AGPAT3: variants seen among roughly 807,000 people sequenced by gnomAD.
AGPAT3 encodes the protein 1-acyl-sn-glycerol-3-phosphate acyltransferase gamma.
Under a neutral mutation model 47.3 loss-of-function variants are expected in AGPAT3, and 5 were observed. That is an observed-to-expected ratio of 0.11 (90% CI 0.06 to 0.22). AGPAT3 has a LOEUF of 0.22. AGPAT3 is among the 10% of genes least tolerant of loss of function. The pLI is 1.00. For missense variants in AGPAT3, 315 were observed against 493.0 expected, an observed-to-expected ratio of 0.64 and a Z score of 3.42; for synonymous variants, 212 against 208.3, an observed-to-expected ratio of 1.02 and a Z score of -0.15.
In AGPAT3 at chr21:43,907,196, C is replaced by G. The variant is rs539438327; in HGVS notation, c.-49+3177C>G. Among the ~76,000 whole-genome samples, 13 of 152,014 alleles carry G rather than the reference C, an allele frequency of 8.6e-5. No individual in the cohort carries two copies. In the East Asian group the frequency reaches 2.3e-3, roughly 27 times the overall value. ...CACGGGCATGGGCCACCACACGCGG[C>G]TTTTTTATTTTTTGTAGAGACCGGG... On this transcript the variant is annotated intron_variant, in intron 2 of 9. Coordinates refer to ENST00000291572, the MANE Select transcript of AGPAT3 (RefSeq NM_020132.5).
intron 1 of AGPAT3, among the ~76,000 whole-genome samples, chr21:43,878,856 T>C (rs2085791956): frequency 6.6e-6 from 1 of 151,922 alleles, no homozygotes; most frequent in South Asian, 2.1e-4. Flanking sequence ...TTCTTGTGCC[T>C]CAGCTTCTGG....
At chr21:43,947,527 C>T (rs1358515097) in intron 2 of AGPAT3, among the ~76,000 whole-genome samples, 2 of 152,194 alleles carry the variant, frequency 1.3e-5, no homozygotes, top group African/African-American at 2.4e-5. Context: ...ACTTCCATCT[C>T]GGGCCCGTCC....
At chr21:43,950,336 C>T (rs1601398652) in intron 2 of AGPAT3, among the ~76,000 whole-genome samples, 1 of 152,180 alleles carries the variant, frequency 6.6e-6, no homozygotes, top group Non-Finnish European at 1.5e-5. Context: ...CTTTTAGTCT[C>T]CTGCTAATTC....
At chr21:43,941,799 G>C (rs1223000741) in intron 2 of AGPAT3, among the ~76,000 whole-genome samples, 1 of 152,222 alleles carries the variant, frequency 6.6e-6, no homozygotes, top group Non-Finnish European at 1.5e-5. Flanking sequence ...GCGGAGAAAG[G>C]GTATCAAATC....
At chr21:43,926,820 G>A (rs931757780) in intron 2 of AGPAT3, among the ~76,000 whole-genome samples, 1 of 151,398 alleles carries the variant, frequency 6.6e-6, no homozygotes, top group African/African-American at 2.4e-5. Context: ...AGTTAGCTGG[G>A]CGTGGTGGAG....
chr21:43,937,933 C>A (rs1282883527), intron 2 of AGPAT3, among the ~76,000 whole-genome samples: 2 of 152,240 alleles, frequency 1.3e-5, no homozygotes, highest in South Asian at 2.1e-4. Flanking sequence ...GTTGTGTGGG[C>A]AGCCAGTCAT....
At position 43,955,188 on chromosome 21, in the gene AGPAT3, T is replaced by C. The variant is rs1305764836; in HGVS notation, c.-48-4446T>C. 2 of 1,267,126 alleles carry C rather than the reference T, an allele frequency of 1.6e-6. No homozygotes were observed. The highest frequency in any genetic ancestry group is 2.6e-5 in the South Asian group (2 of 78,340). The allele number at this position is 1,267,126 out of a possible 1,614,324, so 78.5% of individuals were successfully genotyped here. A position where few individuals can be genotyped will look rare whatever the true frequency, so the allele number is the denominator to read the frequency against. ...CGGGGCCGTCTCAGAAGCACCGCGC[T>C]GGACCGGCTGGGCCAGATGCCATGG... is the stretch of plus-strand genomic sequence containing the variant. On this transcript the variant is annotated intron_variant, in intron 2 of 9. Transcript: ENST00000291572. The surrounding 1 kb of genome is among the most constrained non-coding windows in gnomAD (Gnocchi z 4.1).
chr21:43,947,171 C>T (rs1264152925), intron 2 of AGPAT3: 1 of 152,470 alleles, frequency 6.6e-6, no homozygotes, highest in African/African-American at 2.4e-5. Flanking sequence ...TCCTCCCTGC[C>T]CTCTTCCTGC....
chr21:43,870,069 C>T (rs886486034), intron 1 of AGPAT3, among the ~76,000 whole-genome samples: 1 of 152,174 alleles, frequency 6.6e-6, no homozygotes, highest in South Asian at 2.1e-4. Context: ...CCAACTGTGA[C>T]TCATTATGCG....
intron 4 of AGPAT3, 24 bp from the exon 5 acceptor site, chr21:43,969,094 T>G (rs2089282326): frequency 6.2e-7 from 1 of 1,612,468 alleles, no homozygotes; most frequent in African/African-American, 1.3e-5. Flanking sequence ...AAGTGCCAGG[T>G]GCCCCTCCTT....
At chr21:43,968,858 G>A (rs1311034459) in intron 4 of AGPAT3, among the ~76,000 whole-genome samples, 1 of 152,164 alleles carries the variant, frequency 6.6e-6, no homozygotes, top group Non-Finnish European at 1.5e-5. Context: ...CCCCCCGGAA[G>A]CCTGGCAGCC....
chr21:43,956,343 C>T (rs1204918428), intron 2 of AGPAT3, among the ~76,000 whole-genome samples: 2 of 152,166 alleles, frequency 1.3e-5, no homozygotes, highest in African/African-American at 4.8e-5. Context: ...CTGGCACTGG[C>T]TCTACTGCTG....
intron 2 of AGPAT3, among the ~76,000 whole-genome samples, chr21:43,945,924 G>A (rs1205046774): frequency 6.6e-6 from 1 of 152,140 alleles, no homozygotes; most frequent in Non-Finnish European, 1.5e-5. Flanking sequence ...CCTGGTGGGG[G>A]CTGGACAGGG....
rs1490861659 is a variant in AGPAT3, at chr21:43,985,411, A to T, written c.*3019A>T. 1 of 326,226 alleles carries T rather than the reference A, an allele frequency of 3.1e-6. No homozygotes were observed. The highest frequency in any genetic ancestry group is 2.2e-5 in the African/African-American group (1 of 45,754). The allele number at this position is 326,226 out of a possible 1,614,324, so 20.2% of individuals were successfully genotyped here. A position where few individuals can be genotyped will look rare whatever the true frequency, so the allele number is the denominator to read the frequency against. On this transcript the variant is annotated 3_prime_UTR_variant, in exon 10 of 10. Transcript: ENST00000291572. Reference sequence around the variant, plus strand: ...ACTTTCTTGTGTAAAAAAAAAAAAAAAGCACGTCCTGTCGATGAATTTTGA... The same window carrying T: ...ACTTTCTTGTGTAAAAAAAAAAAAATAGCACGTCCTGTCGATGAATTTTGA...
intron 1 of AGPAT3, among the ~76,000 whole-genome samples, chr21:43,875,428 G>T (rs2123535364): frequency 6.6e-6 from 1 of 152,260 alleles, no homozygotes; most frequent in South Asian, 2.1e-4. Flanking sequence ...CCTAGATATG[G>T]AGGGTCAACC....
chr21:43,917,637 A>C (rs1279658533), intron 2 of AGPAT3, among the ~76,000 whole-genome samples: 1 of 152,058 alleles, frequency 6.6e-6, no homozygotes, highest in South Asian at 2.1e-4. Flanking sequence ...TTTGGAGCAG[A>C]AAGTGGGAAC....
rs374626224 is a variant in AGPAT3 at position 43,968,160 on chromosome 21, C to T, written c.348+45C>T. 499 of 1,108,674 alleles carry T rather than the reference C, an allele frequency of 4.5e-4. 1 individual carries two copies. The highest frequency in any genetic ancestry group is 5.2e-4 in the Non-Finnish European group (459 of 884,332). 68.7% of individuals were successfully genotyped at this position (1,108,674 alleles called of 1,614,324 possible). ...GGGCCACGGGTGAGCAGGAGGGTCC[C>T]GGGGAGGGCCGGGGGTGAGCGGGGA... On this transcript the variant is annotated intron_variant, in intron 4 of 9. Coordinates refer to ENST00000291572, the MANE Select transcript of AGPAT3 (RefSeq NM_020132.5).
rs558898993 is a variant in AGPAT3, at chr21:43,939,340, C to A, written c.-48-20294C>A. 6.6e-6 allele frequency among the ~76,000 whole-genome samples: 1 copy of A among 152,160 alleles called. No individual in the cohort carries two copies. The highest frequency in any genetic ancestry group is 1.5e-5 in the Non-Finnish European group (1 of 68,020). ...GTCGCTGTTGTTGTCGGGGGCCTCC[C>A]GCGCCCCAGGAGGTTTCCCAGGGCG... is the stretch of plus-strand genomic sequence containing the variant. On this transcript the variant is annotated intron_variant, in intron 2 of 9. Transcript: ENST00000291572. This position sits in a 1 kb window ranked among gnomAD's most constrained non-coding sequence, Gnocchi z 4.4.
At chr21:43,885,378 G>GTTTTTCT (rs1397596786) in intron 1 of AGPAT3, among the ~76,000 whole-genome samples, 2 of 150,426 alleles carry the variant, frequency 1.3e-5, no homozygotes, top group African/African-American at 4.9e-5. Context: ...ATGATTGCCA[G>GTTTTTCT]TTTTTCTTTT....
Sources: allele counts gnomAD v4.1 joint callset (sites outside exome capture counted in the v4.1 genomes callset), GRCh38; gene constraint gnomAD v4.1.1; non-coding constraint Gnocchi (gnomAD v3.1); transcripts MANE v1.5; gene names NCBI Gene and HGNC (gene_info 2026-07-23, HGNC 2026-07-21).